Variants in STK33 observed in about 807,000 individuals in gnomAD.
STK33 encodes the protein serine/threonine kinase 33, also known as serine/threonine-protein kinase 33.
In STK33, 52 loss-of-function variants were observed where a neutral mutation model predicts 58.0. That is an observed-to-expected ratio of 0.90 (90% CI 0.72 to 1.13). The LOEUF (loss-of-function observed/expected upper bound fraction) is 1.13. STK33 is among the 50% of genes most tolerant of loss of function. The pLI is 0.00. For missense variants in STK33, 630 were observed against 604.2 expected, an observed-to-expected ratio of 1.04 and a Z score of -0.45; for synonymous variants, 215 against 200.1, an observed-to-expected ratio of 1.07 and a Z score of -0.63.
At chr11:8,473,097 T>C in intron 6 of STK33, 66 bp downstream of exon 6, 1 of 920,984 alleles carries the variant, frequency 1.1e-6, no homozygotes, top group Non-Finnish European at 1.7e-6. Context: ...CAATCATTTT[T>C]CCTATTAACC....
intron 1 of STK33, among the ~76,000 whole-genome samples, chr11:8,548,645 T>C (rs753962314): frequency 6.6e-5 from 10 of 152,228 alleles, no homozygotes; most frequent in Non-Finnish European, 1.3e-4. Flanking sequence ...CTGTAAAGAA[T>C]GTCATTGGTA....
the STK33 span, among the ~76,000 whole-genome samples, chr11:8,359,466 G>C: frequency 2.6e-5 from 4 of 152,248 alleles, no homozygotes; most frequent in Non-Finnish European, 4.4e-5. Flanking sequence ...GGCAGGGAGA[G>C]GTGCTGGTCT....
chr11:8,558,007 C>T (rs977229535), intron 1 of STK33, among the ~76,000 whole-genome samples: 4 of 152,092 alleles, frequency 2.6e-5, no homozygotes, highest in African/African-American at 9.7e-5. Context: ...CAGCCCTTCA[C>T]AAAAATTTAA....
chr11:8,459,259 C>G (rs542923570), intron 8 of STK33, among the ~76,000 whole-genome samples: 1 of 152,146 alleles, frequency 6.6e-6, no homozygotes, highest in Non-Finnish European at 1.5e-5. Context: ...ATGATCAGTA[C>G]CATGGCACAA....
At chr11:8,572,476 C>G (rs1734301049) in intron 1 of STK33, among the ~76,000 whole-genome samples, 1 of 151,766 alleles carries the variant, frequency 6.6e-6, no homozygotes, top group Non-Finnish European at 1.5e-5. Context: ...AAAATATGCC[C>G]CAGAAATGAT....
chr11:8,350,649 G>T, the STK33 span, among the ~76,000 whole-genome samples: 7 of 152,140 alleles, frequency 4.6e-5, no homozygotes, highest in Non-Finnish European at 1.0e-4. Flanking sequence ...GCAGGAAAGT[G>T]GGGGTCAGGA....
the STK33 span, among the ~76,000 whole-genome samples, chr11:8,347,044 A>G: frequency 6.6e-6 from 1 of 152,368 alleles, no homozygotes; most frequent in African/African-American, 2.4e-5. Context: ...AAGATAGCTC[A>G]GCCTTTTCCA....
chr11:8,430,305 G>A (rs536076256), intron 14 of STK33, among the ~76,000 whole-genome samples: 1 of 151,804 alleles, frequency 6.6e-6, no homozygotes, highest in South Asian at 2.1e-4. Context: ...TCCTTACCCC[G>A]ACTCCTACAT....
At chr11:8,362,474 T>C in the STK33 span, among the ~76,000 whole-genome samples, 208 of 152,302 alleles carry the variant, frequency 1.4e-3, 1 homozygote, top group South Asian at 0.041. Context: ...TCGGGAAATA[T>C]ATTGATTCAA....
chr11:8,591,486 A>T (rs1240686131), intron 1 of STK33, among the ~76,000 whole-genome samples: 1 of 152,186 alleles, frequency 6.6e-6, no homozygotes, highest in Non-Finnish European at 1.5e-5. Flanking sequence ...AGCCATCATA[A>T]ATGAAAGGGC....
At chr11:8,438,419 A>G (rs1309499851) in intron 12 of STK33, among the ~76,000 whole-genome samples, 1 of 152,226 alleles carries the variant, frequency 6.6e-6, no homozygotes, top group Non-Finnish European at 1.5e-5. Flanking sequence ...CATCTGATTA[A>G]ATAGAAATGA....
rs966776954 is a variant in STK33, at chr11:8,504,752, C to A, written c.-465-24138G>T. The stretch of plus-strand genomic sequence containing the variant: ...GTTCGAGGCTTCAGTGAGCTACGAT[C>A]ACGCCACTGTATTCCAGCGTGGGTG... On this transcript the variant is annotated intron_variant, in intron 1 of 15. Coordinates refer to ENST00000687296, the MANE Select transcript of STK33 (RefSeq NM_001352389.2). 5.3e-5 allele frequency among the ~76,000 whole-genome samples: 8 copies of A among 152,108 alleles called. No homozygotes were observed. In the East Asian group the frequency reaches 1.5e-3, roughly 29 times the overall value.
At chr11:8,458,594 T>C (rs1188407300) in intron 8 of STK33, among the ~76,000 whole-genome samples, 1 of 151,974 alleles carries the variant, frequency 6.6e-6, no homozygotes, top group African/African-American at 2.4e-5. Context: ...ACTAATTGGG[T>C]GTGAGTGGTA....
At chr11:8,355,902 C>A in the STK33 span, among the ~76,000 whole-genome samples, 2 of 152,200 alleles carry the variant, frequency 1.3e-5, no homozygotes, top group South Asian at 4.1e-4. Context: ...TGGCATGCAA[C>A]AAACAGCAGC....
At chr11:8,378,433 G>T in the STK33 span, among the ~76,000 whole-genome samples, 11 of 152,128 alleles carry the variant, frequency 7.2e-5, no homozygotes, top group African/African-American at 2.4e-4. Flanking sequence ...CAGGAGAATC[G>T]CTTGAACCTG....
chr11:8,500,278 G>A (rs117504397), intron 1 of STK33, among the ~76,000 whole-genome samples: 1 of 151,910 alleles, frequency 6.6e-6, no homozygotes, highest in African/African-American at 2.4e-5. Flanking sequence ...TATTTGCAAA[G>A]TGACATGATC....
chr11:8,524,818 A>C (rs7119274), intron 1 of STK33, among the ~76,000 whole-genome samples: 35,282 of 151,548 alleles, frequency 0.23, 4,402 homozygotes, highest in Middle Eastern at 0.31. Flanking sequence ...CCAATATGGT[A>C]GATCTTATGT....
chr11:8,337,016 T>C, the STK33 span, among the ~76,000 whole-genome samples: 2 of 152,220 alleles, frequency 1.3e-5, no homozygotes, highest in South Asian at 4.1e-4. Flanking sequence ...GCCTCAATCG[T>C]GATCAATGGG....
intron 1 of STK33, among the ~76,000 whole-genome samples, chr11:8,528,041 A>G (rs1954203352): frequency 6.6e-6 from 1 of 152,190 alleles, no homozygotes; most frequent in East Asian, 1.9e-4. Flanking sequence ...TGTAAGTATA[A>G]TATGCATTGG....
Sources: allele counts gnomAD v4.1 joint callset (sites outside exome capture counted in the v4.1 genomes callset), GRCh38; gene constraint gnomAD v4.1.1; transcripts MANE v1.5; gene names NCBI Gene and HGNC (gene_info 2026-07-23, HGNC 2026-07-21).